Variants in CNTNAP2 observed in about 807,000 individuals in gnomAD.
The protein encoded by CNTNAP2 is contactin-associated protein-like 2.
In CNTNAP2, 98 loss-of-function variants were observed where a neutral mutation model predicts 155.2. The ratio of observed to expected loss-of-function variants is 0.63; its 90% confidence interval spans 0.54 to 0.75. CNTNAP2 has a LOEUF of 0.75. Among genes scored for constraint, CNTNAP2 ranks in the 30% least tolerant of loss-of-function variants. The pLI, the probability that CNTNAP2 is intolerant of heterozygous loss-of-function variation, is 0.00. For synonymous variants in CNTNAP2, 651 were observed against 631.2 expected, an observed-to-expected ratio of 1.03 and a Z score of -0.47; for missense variants, 1,727 against 1,688.1, an observed-to-expected ratio of 1.02 and a Z score of -0.40.
At chr7:146,742,342 C>A (rs1272389105) in intron 1 of CNTNAP2, among the ~76,000 whole-genome samples, 11 of 152,144 alleles carry the variant, frequency 7.2e-5, no homozygotes, top group African/African-American at 2.4e-4. Context: ...CCACTGACCA[C>A]CAGTATGTTC....
At chr7:146,645,359 T>C (rs967141133) in intron 1 of CNTNAP2, among the ~76,000 whole-genome samples, 3 of 152,166 alleles carry the variant, frequency 2.0e-5, no homozygotes, top group African/African-American at 7.2e-5. Context: ...GGAACTTAAA[T>C]AACTAGTAGA....
intron 22 of CNTNAP2, among the ~76,000 whole-genome samples, chr7:148,390,132 G>A (rs543296925): frequency 6.6e-5 from 10 of 152,290 alleles, no homozygotes; most frequent in South Asian, 4.1e-4. Context: ...CAATAAAGCC[G>A]TTAGGTGGTT....
intron 21 of CNTNAP2, among the ~76,000 whole-genome samples, chr7:148,299,290 C>T (rs1283285879): frequency 2.6e-5 from 4 of 152,108 alleles, no homozygotes; most frequent in African/African-American, 9.7e-5. Flanking sequence ...ACACCCGGCC[C>T]CAACTTTTTA....
chr7:147,970,843 AG>A (rs2116854819), intron 14 of CNTNAP2, among the ~76,000 whole-genome samples: 1 of 152,326 alleles, frequency 6.6e-6, no homozygotes, highest in East Asian at 1.9e-4. Context: ...CAGATGTTTC[AG>A]GTTGGGATAC....
At chr7:147,201,772 C>G (rs1802927242) in intron 8 of CNTNAP2, among the ~76,000 whole-genome samples, 1 of 152,180 alleles carries the variant, frequency 6.6e-6, no homozygotes, top group Non-Finnish European at 1.5e-5. Flanking sequence ...TTCACTTTCA[C>G]AGTTCAGTAA....
In CNTNAP2 at chr7:146,408,611, C is replaced by T. The variant is rs151121111; in HGVS notation, c.97+291638C>T. Among the ~76,000 whole-genome samples the T allele has an allele frequency of 3.6e-3, 430 of 118,748 alleles. 2 individuals are homozygous for T. The highest frequency in any genetic ancestry group is 0.013 in the African/African-American group (381 of 29,680). 77.9% of individuals were successfully genotyped at this position (118,748 alleles called of 152,430 possible). A position where few individuals can be genotyped will look rare whatever the true frequency, so the allele number is the denominator to read the frequency against. ...ATACAGGAAGGGGAACATCACACAC[C>T]AGGGCCTGTCATGGGGTGGGGGGAG... On this transcript the variant is annotated intron_variant, in intron 1 of 23. Transcript: ENST00000361727.
chr7:146,347,481 T>A (rs1403384129), intron 1 of CNTNAP2, among the ~76,000 whole-genome samples: 1 of 152,226 alleles, frequency 6.6e-6, no homozygotes, highest in Non-Finnish European at 1.5e-5. Context: ...TGACTGGTCA[T>A]ACCCTCCAAA....
At chr7:147,335,729 C>A (rs1369719147) in intron 9 of CNTNAP2, among the ~76,000 whole-genome samples, 1 of 152,102 alleles carries the variant, frequency 6.6e-6, no homozygotes, top group Non-Finnish European at 1.5e-5. Context: ...AGAAATCAAA[C>A]CCATCCTCTC....
In CNTNAP2 at chr7:148,335,477, G is replaced by T. The variant is rs879661115; in HGVS notation, c.3476-48172G>T. Among the ~76,000 whole-genome samples, 8 of 152,232 alleles carry T rather than the reference G, an allele frequency of 5.3e-5. No individual in the cohort carries two copies. The East Asian group carries it at 1.5e-3, about 29-fold the overall frequency. The stretch of plus-strand genomic sequence containing the variant: ...TGCTACTCCACATCAACTGATTAAC[G>T]CAGCTGTGATAGCACACCTAGCAGA... On this transcript the variant is annotated intron_variant, in intron 21 of 23. Transcript: ENST00000361727.
intron 6 of CNTNAP2, among the ~76,000 whole-genome samples, chr7:147,124,876 C>CTTTTTT (rs371912854): frequency 2.5e-5 from 2 of 80,084 alleles, no homozygotes; most frequent in Non-Finnish European, 4.3e-5. Context: ...CCTTTTTTTC[C>CTTTTTT]TTTTTTTTTT....
At chr7:146,341,003 C>A (rs1252082099) in intron 1 of CNTNAP2, among the ~76,000 whole-genome samples, 1 of 152,150 alleles carries the variant, frequency 6.6e-6, no homozygotes, top group Admixed American at 6.5e-5. Context: ...CTTTTATCAG[C>A]AAGAAAGTGT....
At chr7:148,328,487 G>A (rs917637224) in intron 21 of CNTNAP2, among the ~76,000 whole-genome samples, 2 of 101,458 alleles carry the variant, frequency 2.0e-5, no homozygotes, top group African/African-American at 9.0e-5. Flanking sequence ...TTGTCTGTCT[G>A]TAGATTCCAT....
At chr7:146,794,704 A>C (rs1340609794) in intron 2 of CNTNAP2, among the ~76,000 whole-genome samples, 5 of 151,628 alleles carry the variant, frequency 3.3e-5, no homozygotes, top group South Asian at 2.1e-4. Context: ...TGAGGTACTA[A>C]CTATGATACG....
intron 21 of CNTNAP2, among the ~76,000 whole-genome samples, chr7:148,293,200 C>T (rs1797221497): frequency 6.6e-6 from 1 of 152,154 alleles, no homozygotes; most frequent in Non-Finnish European, 1.5e-5. Context: ...TGGACATTCA[C>T]GCATACACTC....
rs115065368 is a variant in CNTNAP2 at position 146,400,618 on chromosome 7, C to T, written c.97+283645C>T. ...TGAGTAAAAGTCTGCATAAGACATA[C>T]TGAGTGAAAGTTTGGGGTTGTTTTC... On this transcript the variant is annotated intron_variant, in intron 1 of 23. Transcript: ENST00000361727. Among the ~76,000 whole-genome samples, 6 of 152,304 alleles carry T rather than the reference C, an allele frequency of 3.9e-5. No individual in the cohort carries two copies. In the East Asian group the frequency reaches 1.2e-3, roughly 29 times the overall value.
At chr7:146,620,055 A>C (rs1202968549) in intron 1 of CNTNAP2, among the ~76,000 whole-genome samples, 1 of 152,202 alleles carries the variant, frequency 6.6e-6, no homozygotes, top group East Asian at 1.9e-4. Flanking sequence ...ATATATATTT[A>C]GAATTTAGAC....
chr7:148,283,275 G>GTT lies in CNTNAP2; in HGVS notation c.3475+16149_3475+16150insTT, dbSNP rs1563024668. On this transcript the variant is annotated intron_variant, in intron 21 of 23. Transcript: ENST00000361727. The stretch of plus-strand genomic sequence containing the variant: ...AAAAAAAAAGAAAGAAAGAAAGAAA[G>GTT]AAAGAAAGAAAGAAAGAAAGAAAGA... Among the ~76,000 whole-genome samples the GTT allele has an allele frequency of 1.1e-4, 8 of 72,700 alleles. 1 individual carries two copies. Among genetic ancestry groups the GTT allele is most frequent in the African/African-American group, 4.7e-4 (6 of 12,692 alleles). The allele number at this position is 72,700 out of a possible 152,430, so 47.7% of individuals were successfully genotyped here.
chr7:146,556,970 A>G (rs536482826), intron 1 of CNTNAP2, among the ~76,000 whole-genome samples: 2 of 152,120 alleles, frequency 1.3e-5, no homozygotes, highest in Non-Finnish European at 2.9e-5. Context: ...GATTAAACAC[A>G]CAGAGAAATA....
chr7:146,358,867 TGGAGTGGGAA>T (rs1431933229), intron 1 of CNTNAP2, among the ~76,000 whole-genome samples: 1 of 152,172 alleles, frequency 6.6e-6, no homozygotes, highest in Non-Finnish European at 1.5e-5. Flanking sequence ...GTTATGAGGC[TGGAGTGGGAA>T]GGAGGTCTTG....
Sources: allele counts gnomAD v4.1 joint callset (sites outside exome capture counted in the v4.1 genomes callset), GRCh38; gene constraint gnomAD v4.1.1; transcripts MANE v1.5; gene names NCBI Gene and HGNC (gene_info 2026-07-23, HGNC 2026-07-21).